Variants in RPGRIP1L observed in about 807,000 individuals in gnomAD.
RPGRIP1L encodes the protein RPGRIP1 like, also known as protein fantom.
RPGRIP1L carries 131 observed loss-of-function variants against 160.4 expected under a neutral mutation model. The observed-to-expected ratio is 0.82, with a 90% confidence interval of 0.71 to 0.94. RPGRIP1L has a LOEUF of 0.94. Among genes scored for constraint, RPGRIP1L ranks in the 40% least tolerant of loss-of-function variants. The pLI, the probability that RPGRIP1L is intolerant of heterozygous loss-of-function variation, is 0.00. For missense variants in RPGRIP1L, 1,522 were observed against 1,535.8 expected, an observed-to-expected ratio of 0.99 and a Z score of 0.15; for synonymous variants, 510 against 515.8, an observed-to-expected ratio of 0.99 and a Z score of 0.15.
chr16:53,625,718 A>T (rs1598264669), intron 22 of RPGRIP1L, among the ~76,000 whole-genome samples: 1 of 152,156 alleles, frequency 6.6e-6, no homozygotes. Context: ...AAATGTGGGG[A>T]AAAGAAAGAG....
chr16:53,631,822 A>C (rs1456669396), intron 22 of RPGRIP1L, among the ~76,000 whole-genome samples: 2 of 152,222 alleles, frequency 1.3e-5, no homozygotes, highest in African/African-American at 4.8e-5. Context: ...GCAAGGCCCA[A>C]TTACACTTGC....
At chr16:53,641,669 A>C (rs977409843) in intron 17 of RPGRIP1L, among the ~76,000 whole-genome samples, 194 bp from the exon 18 acceptor site, 2 of 152,228 alleles carry the variant, frequency 1.3e-5, no homozygotes, top group African/African-American at 2.4e-5. Context: ...AGTAAAATAA[A>C]GACAAAATGA....
Position 53,672,942 on chromosome 16 carries a change from CT to C in RPGRIP1L, c.956del (p.Glu319GlyfsTer4). 1 of 1,613,028 alleles carries C rather than the reference CT, an allele frequency of 6.2e-7. No individual in the cohort carries two copies. Among genetic ancestry groups the C allele is most frequent in the Non-Finnish European group, 8.5e-7 (1 of 1,179,354 alleles). On this transcript the variant is annotated frameshift_variant, in exon 8 of 27. Coordinates refer to ENST00000647211, the MANE Select transcript of RPGRIP1L (RefSeq NM_015272.5). LOFTEE classifies it high-confidence loss of function. ...CAAGACTGCAGCATTTTAAACGCTG[CT>C]CTTTAAGTTGCATGTTTAATTCATC... is the stretch of plus-strand genomic sequence containing the variant. ...NGDELNMQLK[E>X]QRLKCCSLEK...
chr16:53,618,799 G>A (rs569975549), intron 24 of RPGRIP1L, among the ~76,000 whole-genome samples: 2 of 152,094 alleles, frequency 1.3e-5, no homozygotes, highest in South Asian at 2.1e-4. Flanking sequence ...CACCCGTCTC[G>A]GTCTCCCAAA....
intron 25 of RPGRIP1L, among the ~76,000 whole-genome samples, chr16:53,610,306 GA>G (rs367966853): frequency 2.4e-4 from 36 of 151,014 alleles, no homozygotes; most frequent in African/African-American, 8.0e-4. Flanking sequence ...ATTTAAATTA[GA>G]AAAAAAATGC....
chr16:53,703,762 T>A (rs927089829), intron 1 of RPGRIP1L, 41 bp downstream of exon 1: 9 of 318,368 alleles, frequency 2.8e-5, no homozygotes, highest in Non-Finnish European at 5.6e-5. Context: ...GTCAGCAACC[T>A]CCACCCACCC....
At chr16:53,697,421 G>C (rs893006370) in intron 2 of RPGRIP1L, among the ~76,000 whole-genome samples, 1 of 152,002 alleles carries the variant, frequency 6.6e-6, no homozygotes, top group Non-Finnish European at 1.5e-5. Context: ...AGCCGAAGCT[G>C]GACTGTGCTG....
chr16:53,687,862 C>T lies in RPGRIP1L; in HGVS notation c.632+1G>A, dbSNP rs1376397728. 3 of 1,574,756 alleles carry T rather than the reference C, an allele frequency of 1.9e-6. No individual in the cohort carries two copies. The highest frequency in any genetic ancestry group is 2.6e-6 in the Non-Finnish European group (3 of 1,145,010). On this transcript the variant is annotated splice_donor_variant, in intron 5 of 26. Transcript: ENST00000647211. LOFTEE classifies it high-confidence loss of function. ...AAATTACCACAAAAAAGAACACATA[C>T]AAATTTCTTATTTCTCCTCTGGCTT... is the stretch of plus-strand genomic sequence containing the variant.
intron 22 of RPGRIP1L, chr16:53,628,706 C>T (rs1226072620): frequency 1.3e-5 from 2 of 152,060 alleles, no homozygotes; most frequent in Admixed American, 6.6e-5. Context: ...AGTTTTCGTC[C>T]GTGGCAGTAA....
intron 24 of RPGRIP1L, among the ~76,000 whole-genome samples, chr16:53,615,451 A>AATATAT (rs1253551117): frequency 8.2e-6 from 1 of 122,416 alleles, no homozygotes; most frequent in African/African-American, 3.3e-5. Context: ...TATTTCTAAG[A>AATATAT]ATATATATAT....
At chr16:53,629,475 T>G (rs552121804) in intron 22 of RPGRIP1L, among the ~76,000 whole-genome samples, 1 of 152,320 alleles carries the variant, frequency 6.6e-6, no homozygotes, top group South Asian at 2.1e-4. Context: ...GGGATCACAC[T>G]TTGAGAAATA....
At position 53,692,320 on chromosome 16, in the gene RPGRIP1L, T is replaced by C. The variant is rs1427012567; in HGVS notation, c.275A>G (p.Tyr92Cys). The C allele has an allele frequency of 6.2e-7, 1 of 1,614,056 alleles. No homozygotes were observed. The change falls in exon 4 of 27, where the codon TAT (tyrosine) becomes TGT (cysteine). Residue 92 changes from tyrosine (Y) to cysteine (C), a missense_variant. By Grantham distance (194) the Tyr-to-Cys change is radical (BLOSUM62 -2). Transcript: ENST00000647211. ...CTTGGGGCCGCCACCAACCCGCTCA[T>C]ATCTTTTCTTGTCATTAACTAGCCG... is the stretch of plus-strand genomic sequence containing the variant. The part of the protein sequence containing the change: ...LIRLVNDKKR[Y>C]ERVGGGPKRL...
chr16:53,643,231 G>A lies in RPGRIP1L; in HGVS notation c.2684-1756C>T, dbSNP rs377407861. ...GCTGAGGCAGGAGAATTGCTAGAAC[G>A]TGGGAAGAGGAGGTTGCTGTGAGCC... On this transcript the variant is annotated intron_variant, in intron 17 of 26. Transcript: ENST00000647211. Among the ~76,000 whole-genome samples the A allele has an allele frequency of 1.3e-4, 19 of 151,520 alleles. No homozygotes were observed. The East Asian group carries it at 2.0e-3, about 16-fold the overall frequency.
At chr16:53,647,845 C>A (rs966327896) in intron 16 of RPGRIP1L, among the ~76,000 whole-genome samples, 7 of 152,158 alleles carry the variant, frequency 4.6e-5, no homozygotes, top group Non-Finnish European at 8.8e-5. Flanking sequence ...GTGGCTCATG[C>A]CTGTAATCCC....
At position 53,619,095 on chromosome 16, in the gene RPGRIP1L, A is replaced by G; in HGVS notation, c.3546T>C (p.Pro1182=). The G allele has an allele frequency of 6.2e-7, 1 of 1,614,128 alleles. No individual in the cohort carries two copies. Among genetic ancestry groups the G allele is most frequent in the Non-Finnish European group, 8.5e-7 (1 of 1,179,982 alleles). Residue 1182 remains proline (P), a synonymous_variant, in exon 24 of 27, where the codon CCT becomes CCC. Coordinates refer to ENST00000647211, the MANE Select transcript of RPGRIP1L (RefSeq NM_015272.5). ...GAAGTGACACGGGTGTCTCTTCAGC[A>G]GGAAGACTGTAGAATCGACACTCAA... ...LFVECRFYSL[P]AEETPVSLPK...
At chr16:53,604,255 T>C (rs1567787607) in intron 26 of RPGRIP1L, among the ~76,000 whole-genome samples, 1 of 152,358 alleles carries the variant, frequency 6.6e-6, no homozygotes, top group East Asian at 1.9e-4. Context: ...TGAGCCTGAC[T>C]TTTCAGCACT....
intron 8 of RPGRIP1L, 64 bp downstream of exon 8, chr16:53,672,806 C>A: frequency 6.8e-7 from 1 of 1,466,296 alleles, no homozygotes; most frequent in Admixed American, 1.7e-5. Flanking sequence ...CTCTATTTTA[C>A]TTTTTCAAAA....
In RPGRIP1L at chr16:53,692,051, T is replaced by C. The variant is rs755374063; in HGVS notation, c.529+15A>G. The C allele has an allele frequency of 4.3e-6, 7 of 1,613,208 alleles. No homozygotes were observed. The Admixed American group carries it at 1.2e-4, about 27-fold the overall frequency. Reference sequence around the variant, plus strand: ...ATAAGACTTCAGTTTAGATTTAACGTAAGCTTTGTTTTACCTTTCCTGGGG... The same window carrying C: ...ATAAGACTTCAGTTTAGATTTAACGCAAGCTTTGTTTTACCTTTCCTGGGG... On this transcript the variant is annotated intron_variant, in intron 4 of 26. Transcript: ENST00000647211.
At position 53,692,182 on chromosome 16, in the gene RPGRIP1L, T is replaced by C; in HGVS notation, c.413A>G (p.Gln138Arg). The change falls in exon 4 of 27, where the codon CAG becomes CGG. Residue 138 changes from glutamine to arginine, a missense_variant. Gln to Arg is a conservative substitution (Grantham distance 43). Transcript: ENST00000647211. ...TLKNRLISAK[Q>R]QLQTQGYRQT... is the part of the protein sequence containing the mutation. ...CCTGTAACCCTGGGTTTGAAGTTGC[T>C]GTTTGGCTGAAATCAGTCTGTTTTT... 6.2e-7 allele frequency: 1 copy of C among 1,614,190 alleles called. No individual in the cohort carries two copies. The highest frequency in any genetic ancestry group is 8.5e-7 in the Non-Finnish European group (1 of 1,180,034).
Sources: gnomAD v4.1 joint callset for allele counts (sites outside exome capture counted in the v4.1 genomes callset) on GRCh38, gnomAD v4.1.1 for gene constraint, MANE v1.5 for transcripts, NCBI Gene and HGNC (gene_info 2026-07-23, HGNC 2026-07-21) for gene names.